Variants in LCORL observed in about 807,000 individuals in gnomAD.
LCORL encodes ligand-dependent nuclear receptor corepressor-like protein.
In LCORL, 41 loss-of-function variants were observed where a neutral mutation model predicts 141.8. That is an observed-to-expected ratio of 0.29 (90% CI 0.23 to 0.38). The LOEUF (loss-of-function observed/expected upper bound fraction) is 0.38. Among genes scored for constraint, LCORL ranks in the 10% least tolerant of loss-of-function variants. LCORL has a pLI of 1.00. For missense variants in LCORL, 1,759 were observed against 2,035.0 expected (o/e 0.86, Z 2.61); for synonymous variants, 618 against 694.1 (o/e 0.89, Z 1.72).
chr4:17,866,927 C>T, intron 7 of LCORL: 1 of 903,666 alleles, frequency 1.1e-6, no homozygotes, highest in Non-Finnish European at 1.3e-6. Context: ...TGGTGTGAGG[C>T]ATTGAAACCA....
intron 5 of LCORL, among the ~76,000 whole-genome samples, chr4:17,896,481 A>G (rs1013243982): frequency 2.0e-5 from 3 of 152,048 alleles, no homozygotes; most frequent in African/African-American, 4.8e-5. Flanking sequence ...ACAGGGTTTC[A>G]CTGTTAGCCA....
intron 1 of LCORL, among the ~76,000 whole-genome samples, chr4:17,992,249 G>A (rs1455579684): frequency 6.6e-6 from 1 of 152,158 alleles, no homozygotes; most frequent in African/African-American, 2.4e-5. Context: ...AGAGAGATGT[G>A]CTGAGTGAAG....
At chr4:17,880,680 A>C (rs1215111186) in intron 6 of LCORL, 1 of 981,986 alleles carries the variant, frequency 1.0e-6, no homozygotes, top group Non-Finnish European at 1.2e-6. Flanking sequence ...TTTAAGTGCA[A>C]AAGCATTGAA....
intron 6 of LCORL, among the ~76,000 whole-genome samples, chr4:17,879,748 C>G (rs1239406165): frequency 6.6e-6 from 1 of 150,872 alleles, no homozygotes; most frequent in Non-Finnish European, 1.5e-5. Context: ...CAAAAGAAAA[C>G]CCAGAATGTT....
At chr4:17,898,658 T>G (rs1231692720) in intron 5 of LCORL, among the ~76,000 whole-genome samples, 3 of 151,582 alleles carry the variant, frequency 2.0e-5, no homozygotes, top group Non-Finnish European at 2.9e-5. Flanking sequence ...CACCGTTTTT[T>G]TTTTTTTTTT....
intron 1 of LCORL, among the ~76,000 whole-genome samples, chr4:18,008,469 G>C (rs1230350235): frequency 6.6e-6 from 1 of 152,184 alleles, no homozygotes; most frequent in African/African-American, 2.4e-5. Context: ...GTAACAATCT[G>C]ACCAGAAAGG....
At chr4:17,865,939 T>C (rs1725589898) in intron 7 of LCORL, among the ~76,000 whole-genome samples, 1 of 152,212 alleles carries the variant, frequency 6.6e-6, no homozygotes, top group Admixed American at 6.5e-5. Context: ...CAAAATCTGA[T>C]TATGTCATAT....
intron 3 of LCORL, among the ~76,000 whole-genome samples, chr4:17,962,697 A>G (rs973066604): frequency 6.6e-6 from 1 of 152,012 alleles, no homozygotes. Flanking sequence ...AATAGACCTG[A>G]ACTAAACTTA....
intron 1 of LCORL, among the ~76,000 whole-genome samples, chr4:18,012,429 A>G (rs1253727565): frequency 6.6e-6 from 1 of 152,188 alleles, no homozygotes; most frequent in East Asian, 1.9e-4. Flanking sequence ...AAGTTCCTCA[A>G]TGCAACCTTA....
intron 6 of LCORL, chr4:17,882,186 CAA>C: frequency 6.1e-6 from 6 of 984,350 alleles, no homozygotes; most frequent in Non-Finnish European, 7.2e-6. Context: ...TAAATACACA[CAA>C]ACACAAGTGT....
At chr4:17,864,411 T>G (rs981571789) in intron 7 of LCORL, among the ~76,000 whole-genome samples, 1 of 152,144 alleles carries the variant, frequency 6.6e-6, no homozygotes, top group African/African-American at 2.4e-5. Context: ...AGACAGAGTT[T>G]CACCATGTTG....
At position 18,006,532 on chromosome 4, in the gene LCORL, G is replaced by A. The variant is rs140568668; in HGVS notation, c.154+15066C>T. 7.5e-3 allele frequency among the ~76,000 whole-genome samples: 1,149 copies of A among 152,204 alleles called. 11 individuals carry two copies. The highest frequency in any genetic ancestry group is 0.026 in the African/African-American group (1,090 of 41,518). On this transcript the variant is annotated intron_variant, in intron 1 of 7. Coordinates refer to ENST00000635767, the Ensembl canonical transcript of LCORL. ...TGCTGATAAAGACATACCCAAGACT[G>A]GGCAATTTACAAAAGAAAGAGGTTT...
At chr4:17,963,084 A>G (rs1473884557) in intron 2 of LCORL, 35 bp from the exon 3 acceptor site, 2 of 1,202,402 alleles carry the variant, frequency 1.7e-6, no homozygotes, top group African/African-American at 3.1e-5. Context: ...TAAATATACT[A>G]ACTTTATTAA....
intron 4 of LCORL, among the ~76,000 whole-genome samples, chr4:17,954,056 G>A (rs1456491187): frequency 6.6e-6 from 1 of 152,116 alleles, no homozygotes; most frequent in Admixed American, 6.5e-5. Context: ...CCAGCTACAG[G>A]GGAGGCTGAG....
chr4:17,876,775 C>T, exon 7 of LCORL: 3 of 1,230,766 alleles, frequency 2.4e-6, no homozygotes, highest in Middle Eastern at 3.1e-4. Flanking sequence ...TTTCCATCTG[C>T]AGATTTCTCC....
exon 7 of LCORL, chr4:17,873,477 G>A (rs1726588340): frequency 8.1e-7 from 1 of 1,233,152 alleles, no homozygotes; most frequent in South Asian, 4.1e-5. Flanking sequence ...GATCTTCCAT[G>A]GTGGTCTTTT....
intron 1 of LCORL, among the ~76,000 whole-genome samples, chr4:17,989,058 C>A (rs377230230): frequency 8.5e-5 from 13 of 152,230 alleles, no homozygotes; most frequent in East Asian, 7.7e-4. Context: ...AATTTATATC[C>A]AAAACACTTG....
At chr4:18,020,310 G>A (rs779499068) in intron 1 of LCORL, among the ~76,000 whole-genome samples, 6 of 152,066 alleles carry the variant, frequency 3.9e-5, no homozygotes, top group Non-Finnish European at 4.4e-5. Context: ...CAAGGTAAGA[G>A]AGTTGTTTTC....
exon 7 of LCORL, chr4:17,877,879 A>G: frequency 8.1e-7 from 1 of 1,230,706 alleles, no homozygotes. Flanking sequence ...TGGCAAGATA[A>G]ACAATGTAAA....
Sources: allele counts gnomAD v4.1 joint callset (sites outside exome capture counted in the v4.1 genomes callset), GRCh38; gene constraint gnomAD v4.1.1; transcripts MANE v1.5; gene names NCBI Gene and HGNC (gene_info 2026-07-23, HGNC 2026-07-21).